The following DGKD variants were observed in gnomAD, a reference collection of about 807,000 sequenced individuals.
The protein encoded by DGKD is diacylglycerol kinase delta.
In DGKD, 68 loss-of-function variants were observed where a neutral mutation model predicts 154.4. The observed-to-expected ratio is 0.44, with a 90% CI of 0.36 to 0.54. DGKD has a LOEUF of 0.54. DGKD is among the 20% of genes least tolerant of loss of function. The probability of loss-of-function intolerance (pLI) is 0.00; values close to 1 mark genes in which losing one functional copy is unlikely to be tolerated. For missense variants in DGKD, 1,343 were observed against 1,593.6 expected (o/e 0.84, Z 2.68); for synonymous variants, 693 against 638.0 (o/e 1.09, Z -1.30).
chr2:233,450,642 G>A (rs2063246249), intron 16 of DGKD, among the ~76,000 whole-genome samples: 1 of 152,140 alleles, frequency 6.6e-6, no homozygotes, highest in Admixed American at 6.5e-5. Context: ...TCTGCTGTGT[G>A]TGTGCTCCGC....
chr2:233,415,684 C>T (rs1219728473), intron 3 of DGKD, among the ~76,000 whole-genome samples: 6 of 152,142 alleles, frequency 3.9e-5, no homozygotes, highest in Admixed American at 6.5e-5. Flanking sequence ...AGTGCAATGG[C>T]GTGATCAAGG....
intron 19 of DGKD, among the ~76,000 whole-genome samples, chr2:233,455,321 G>A (rs1373267890): frequency 6.6e-6 from 1 of 152,240 alleles, no homozygotes; most frequent in Non-Finnish European, 1.5e-5. Context: ...TCTGCAGGAA[G>A]ACGGGAGCGT....
rs574467757 is a variant in DGKD, at chr2:233,421,835, C to T, written c.349-12545C>T. On this transcript the variant is annotated intron_variant, in intron 3 of 29. Transcript: ENST00000264057. ...ACTGCCTGCATTCAAATGTAACTTC[C>T]GCAGGAGCAGGAATCTTTTCTGTTT... is the stretch of plus-strand genomic sequence containing the variant. 5.9e-5 allele frequency among the ~76,000 whole-genome samples: 9 copies of T among 152,268 alleles called. No homozygotes were observed. In the South Asian group the frequency reaches 6.2e-4, roughly 11 times the overall value.
At chr2:233,386,782 G>T (rs1434123092) in intron 1 of DGKD, among the ~76,000 whole-genome samples, 1 of 152,240 alleles carries the variant, frequency 6.6e-6, no homozygotes, top group African/African-American at 2.4e-5. Flanking sequence ...AAGGGCTGCT[G>T]TTGTGCCACT....
intron 14 of DGKD, 117 bp downstream of exon 14, chr2:233,448,492 T>C (rs1208357813): frequency 4.4e-5 from 38 of 856,662 alleles, no homozygotes; most frequent in Non-Finnish European, 6.8e-5. Context: ...AACAAAGAAT[T>C]AGACAAAACG....
chr2:233,411,620 G>C (rs2061833586), intron 3 of DGKD, among the ~76,000 whole-genome samples: 2 of 152,282 alleles, frequency 1.3e-5, no homozygotes, highest in South Asian at 4.1e-4. Flanking sequence ...TTCTCAGTCT[G>C]TGGCTTGTGT....
chr2:233,434,366 G>A lies in DGKD; in HGVS notation c.349-14G>A, dbSNP rs1559542294. 3 of 1,609,886 alleles carry A rather than the reference G, an allele frequency of 1.9e-6. No homozygotes were observed. Among genetic ancestry groups the A allele is most frequent in the East Asian group, 2.2e-5 (1 of 44,872 alleles). ...TTTTGTTCATGGATCTGTTGAACCT[G>A]TTTCTTTCTCTAGGTCATAACTCCA... On this transcript the variant is annotated splice_polypyrimidine_tract_variant and intron_variant, in intron 3 of 29. Transcript: ENST00000264057.
At chr2:233,436,169 C>A in intron 6 of DGKD, 147 bp from the exon 7 acceptor site, 1 of 1,360,828 alleles carries the variant, frequency 7.3e-7, no homozygotes, top group Non-Finnish European at 1.0e-6. Flanking sequence ...ACTTCACAGG[C>A]CCTGCCATCC....
chr2:233,409,696 C>T (rs1039435576), intron 3 of DGKD, among the ~76,000 whole-genome samples: 1 of 150,688 alleles, frequency 6.6e-6, no homozygotes, highest in Admixed American at 6.6e-5. Context: ...AGGGAGACTG[C>T]TGTTTATTGA....
intron 3 of DGKD, among the ~76,000 whole-genome samples, chr2:233,393,929 G>A (rs564763482): frequency 2.0e-4 from 31 of 152,084 alleles, no homozygotes; most frequent in African/African-American, 7.5e-4. Flanking sequence ...GCCCACCTTG[G>A]CCACCCAAAA....
chr2:233,405,226 G>T (rs546979877), intron 3 of DGKD, among the ~76,000 whole-genome samples: 164 of 152,344 alleles, frequency 1.1e-3, no homozygotes, highest in African/African-American at 3.7e-3. Flanking sequence ...GAAACTTTAA[G>T]AGGTGATCAG....
chr2:233,407,132 C>T (rs1214991742), intron 3 of DGKD, among the ~76,000 whole-genome samples: 2 of 152,118 alleles, frequency 1.3e-5, no homozygotes, highest in East Asian at 1.9e-4. Flanking sequence ...CACAGAAGTG[C>T]GTTCTGAATG....
intron 19 of DGKD, 85 bp downstream of exon 19, chr2:233,454,958 A>G (rs752974021): frequency 6.8e-6 from 6 of 883,748 alleles, no homozygotes; most frequent in Non-Finnish European, 1.1e-5. Flanking sequence ...TGGAGTCAGC[A>G]GGTTAAAGAA....
intron 17 of DGKD, 84 bp from the exon 18 acceptor site, chr2:233,451,880 G>C: frequency 9.0e-7 from 1 of 1,116,390 alleles, no homozygotes; most frequent in Non-Finnish European, 1.3e-6. Context: ...GCAGAATACC[G>C]GTCCACCAGC....
intron 3 of DGKD, among the ~76,000 whole-genome samples, chr2:233,395,423 G>T (rs1220408492): frequency 6.6e-6 from 1 of 151,904 alleles, no homozygotes; most frequent in Non-Finnish European, 1.5e-5. Flanking sequence ...ACCCACCTTG[G>T]CCTTCTGAAG....
At chr2:233,360,215 A>G (rs942943873) in intron 1 of DGKD, among the ~76,000 whole-genome samples, 57 of 152,286 alleles carry the variant, frequency 3.7e-4, no homozygotes, top group East Asian at 3.9e-4. Context: ...TCCACCTAGA[A>G]CTTCAGGATG....
At chr2:233,401,192 G>A (rs979715187) in intron 3 of DGKD, among the ~76,000 whole-genome samples, 1 of 152,074 alleles carries the variant, frequency 6.6e-6, no homozygotes, top group African/African-American at 2.4e-5. Context: ...GAGAAATGGG[G>A]CTAGTAACCT....
At chr2:233,468,692 G>A (rs768870403) in intron 29 of DGKD, 139 bp downstream of exon 29, 14 of 1,364,766 alleles carry the variant, frequency 1.0e-5, no homozygotes, top group African/African-American at 5.8e-5. Flanking sequence ...AGGTGGGGGC[G>A]GCTGTGGCCC....
intron 3 of DGKD, among the ~76,000 whole-genome samples, chr2:233,410,367 G>A (rs1243292756): frequency 6.6e-6 from 1 of 152,172 alleles, no homozygotes; most frequent in Non-Finnish European, 1.5e-5. Flanking sequence ...AAGGTCATGG[G>A]CGCAGCTGAC....
Sources: allele counts gnomAD v4.1 joint callset (sites outside exome capture counted in the v4.1 genomes callset), GRCh38; gene constraint gnomAD v4.1.1; transcripts MANE v1.5; gene names NCBI Gene and HGNC (gene_info 2026-07-23, HGNC 2026-07-21).